WASL: variants seen among roughly 807,000 people sequenced by gnomAD.
WASL encodes actin nucleation-promoting factor WASL.
WASL carries 20 observed loss-of-function variants against 55.5 expected under a neutral mutation model. The observed-to-expected ratio is 0.36, with a 90% CI of 0.25 to 0.52. WASL has a LOEUF of 0.52. Ranked by LOEUF, WASL falls within the 20% of genes least tolerant of loss-of-function variation. The pLI is 0.92. For missense variants in WASL, 504 were observed against 622.5 expected (o/e 0.81, Z 2.03); for synonymous variants, 249 against 217.6 (o/e 1.14, Z -1.27).
At chr7:123,686,565 T>G (rs1803294078) in intron 10 of WASL, among the ~76,000 whole-genome samples, 1 of 152,124 alleles carries the variant, frequency 6.6e-6, no homozygotes, top group African/African-American at 2.4e-5. Flanking sequence ...TTAGCGTGAC[T>G]ATTACATACT....
intron 1 of WASL, among the ~76,000 whole-genome samples, chr7:123,746,277 T>C (rs560247250): frequency 6.6e-6 from 1 of 152,216 alleles, no homozygotes; most frequent in East Asian, 1.9e-4. Flanking sequence ...ATTCAATACA[T>C]GTTTGTTGAA....
chr7:123,689,327 A>AT (rs1306002450), intron 9 of WASL, among the ~76,000 whole-genome samples, 177 bp from the exon 10 acceptor site: 1 of 152,352 alleles, frequency 6.6e-6, no homozygotes, highest in East Asian at 1.9e-4. Context: ...TGCCTTAAAG[A>AT]TATTATTCAA....
intron 1 of WASL, among the ~76,000 whole-genome samples, chr7:123,724,071 C>T (rs1340231337): frequency 6.6e-6 from 1 of 152,118 alleles, no homozygotes; most frequent in African/African-American, 2.4e-5. Context: ...AATAGCTCCC[C>T]CTTCCCAAGA....
chr7:123,722,942 T>C lies in WASL; in HGVS notation c.118-13719A>G, dbSNP rs1269079664. On this transcript the variant is annotated intron_variant, in intron 1 of 10. Coordinates refer to ENST00000223023, the MANE Select transcript of WASL (RefSeq NM_003941.4). ...ACAAGTGAGGGCAAAGAATCAGGAA[T>C]GTCCCAGGGAAGAATAGTGTTATGA... Among the ~76,000 whole-genome samples, 4 of 152,182 alleles carry C rather than the reference T, an allele frequency of 2.6e-5. No individual in the cohort carries two copies. The East Asian group carries it at 7.7e-4, about 29-fold the overall frequency.
intron 1 of WASL, among the ~76,000 whole-genome samples, chr7:123,731,639 T>A (rs1399565955): frequency 1.3e-5 from 2 of 152,030 alleles, no homozygotes; most frequent in Non-Finnish European, 2.9e-5. Context: ...AAACTATAAA[T>A]CAGTAACAGA....
intron 2 of WASL, among the ~76,000 whole-genome samples, chr7:123,708,209 A>G (rs1211981987): frequency 1.3e-5 from 2 of 152,058 alleles, no homozygotes; most frequent in African/African-American, 4.8e-5. Flanking sequence ...CAAAAGAAGC[A>G]CTAATTTACC....
chr7:123,690,236 T>C (rs1473737479), intron 9 of WASL, among the ~76,000 whole-genome samples: 1 of 152,204 alleles, frequency 6.6e-6, no homozygotes. Flanking sequence ...CATACTCTCA[T>C]CAAACACATT....
chr7:123,682,011 C>A lies in WASL; in HGVS notation c.*2508G>T, dbSNP rs552119151. The stretch of plus-strand genomic sequence containing the variant: ...TGCCACCAGTGCAACATCCTATTCA[C>A]TATACATTTCAAAAAAAGAATTCAC... On this transcript the variant is annotated 3_prime_UTR_variant, in exon 11 of 11. Transcript: ENST00000223023. The A allele has an allele frequency of 7.2e-5, 11 of 152,228 alleles. No homozygotes were observed. Among genetic ancestry groups the A allele is most frequent in the Non-Finnish European group, 1.3e-4 (9 of 68,020 alleles). The allele number at this position is 152,228 out of a possible 1,614,324, so 9.4% of individuals were successfully genotyped here. A position where few individuals can be genotyped will look rare whatever the true frequency, so the allele number is the denominator to read the frequency against.
intron 1 of WASL, among the ~76,000 whole-genome samples, chr7:123,744,138 G>A (rs1302999979): frequency 6.6e-6 from 1 of 152,158 alleles, no homozygotes; most frequent in Non-Finnish European, 1.5e-5. Flanking sequence ...GTATGCCTAT[G>A]TAAGAATCCC....
At chr7:123,686,694 TGAA>T (rs1469585506) in intron 10 of WASL, among the ~76,000 whole-genome samples, 2 of 152,192 alleles carry the variant, frequency 1.3e-5, no homozygotes, top group African/African-American at 2.4e-5. Flanking sequence ...TATGAATGAA[TGAA>T]GACCTTTCTT....
chr7:123,734,462 A>G (rs1391897478), intron 1 of WASL, among the ~76,000 whole-genome samples: 1 of 152,124 alleles, frequency 6.6e-6, no homozygotes, highest in African/African-American at 2.4e-5. Flanking sequence ...CTAAAAATCC[A>G]AAACACTGGT....
At chr7:123,700,205 A>C (rs1440815356) in intron 5 of WASL, among the ~76,000 whole-genome samples, 23 of 66,116 alleles carry the variant, frequency 3.5e-4, no homozygotes, top group African/African-American at 9.1e-4. Flanking sequence ...AAAAAAAAAA[A>C]AACAACATTA....
chr7:123,739,930 ATG>A (rs1391979499), intron 1 of WASL, among the ~76,000 whole-genome samples: 1 of 146,906 alleles, frequency 6.8e-6, no homozygotes, highest in Non-Finnish European at 1.5e-5. Context: ...ATATATATAT[ATG>A]CTGGTTTGCA....
chr7:123,720,181 A>G, intron 1 of WASL: 1 of 376,120 alleles, frequency 2.7e-6, no homozygotes, highest in East Asian at 7.1e-5. Flanking sequence ...GGGGTAACAC[A>G]CTTTACAATG....
At chr7:123,712,275 G>A (rs1803771160) in intron 1 of WASL, among the ~76,000 whole-genome samples, 1 of 151,900 alleles carries the variant, frequency 6.6e-6, no homozygotes, top group South Asian at 2.1e-4. Flanking sequence ...CCACTAAAAA[G>A]ACTGCAATTC....
chr7:123,699,715 T>C (rs1009001089), intron 5 of WASL, among the ~76,000 whole-genome samples: 5 of 152,126 alleles, frequency 3.3e-5, no homozygotes, highest in Non-Finnish European at 7.4e-5. Context: ...AGAATGAGGA[T>C]AGGAACAAAA....
At chr7:123,748,478 G>A (rs1252859645) in intron 1 of WASL, 140 bp downstream of exon 1, 3 of 718,648 alleles carry the variant, frequency 4.2e-6, no homozygotes, top group East Asian at 7.7e-5. Context: ...GCGCCGACGA[G>A]GGGCCGGGGC....
intron 1 of WASL, among the ~76,000 whole-genome samples, chr7:123,726,506 A>G (rs1391920338): frequency 6.6e-6 from 1 of 152,278 alleles, no homozygotes; most frequent in African/African-American, 2.4e-5. Flanking sequence ...AGAAAAGGTT[A>G]AAGAAAAAAA....
At chr7:123,735,731 C>T (rs1473410076) in intron 1 of WASL, among the ~76,000 whole-genome samples, 2 of 151,616 alleles carry the variant, frequency 1.3e-5, no homozygotes, top group South Asian at 2.1e-4. Context: ...AACTGCTATC[C>T]GAAAGAAACA....
Sources: gnomAD v4.1 joint callset for allele counts (sites outside exome capture counted in the v4.1 genomes callset) on GRCh38, gnomAD v4.1.1 for gene constraint, MANE v1.5 for transcripts, NCBI Gene and HGNC (gene_info 2026-07-23, HGNC 2026-07-21) for gene names.